Variants in PLXNA2 observed in about 807,000 individuals in gnomAD.
PLXNA2 encodes plexin A2, also known as plexin-A2.
PLXNA2 carries 91 observed loss-of-function variants against 193.5 expected under a neutral mutation model. The ratio of observed to expected loss-of-function variants is 0.47; its 90% CI spans 0.40 to 0.56. PLXNA2 has a LOEUF of 0.56. Ranked by LOEUF, PLXNA2 falls within the 20% of genes least tolerant of loss-of-function variation. The pLI, the probability that PLXNA2 is intolerant of heterozygous loss-of-function variation, is 0.00. For missense variants in PLXNA2, 1,995 were observed against 2,503.2 expected (o/e 0.80, Z 4.33); for synonymous variants, 997 against 1,027.3 (o/e 0.97, Z 0.56).
At chr1:208,173,039 G>A (rs1254455947) in intron 3 of PLXNA2, among the ~76,000 whole-genome samples, 1 of 152,186 alleles carries the variant, frequency 6.6e-6, no homozygotes, top group Non-Finnish European at 1.5e-5. Flanking sequence ...TAGTGATTAA[G>A]AGCAAAATCT....
chr1:208,228,272 C>G (rs558008397), intron 1 of PLXNA2, among the ~76,000 whole-genome samples: 1 of 152,314 alleles, frequency 6.6e-6, no homozygotes, highest in South Asian at 2.1e-4. Context: ...TGCTTCATCT[C>G]TATCTCAGGG....
At chr1:208,120,370 G>T (rs937069938) in intron 4 of PLXNA2, among the ~76,000 whole-genome samples, 1 of 152,202 alleles carries the variant, frequency 6.6e-6, no homozygotes, top group African/African-American at 2.4e-5. Context: ...TAATCAGAGA[G>T]GGGGTGAAGC....
chr1:208,077,274 C>T (rs1571890035), intron 12 of PLXNA2, among the ~76,000 whole-genome samples: 1 of 152,122 alleles, frequency 6.6e-6, no homozygotes, highest in African/African-American at 2.4e-5. Flanking sequence ...GCCTCTGATG[C>T]CTGCTGATAT....
intron 12 of PLXNA2, among the ~76,000 whole-genome samples, chr1:208,076,919 T>A (rs918340129): frequency 6.6e-6 from 1 of 152,228 alleles, no homozygotes; most frequent in Non-Finnish European, 1.5e-5. Flanking sequence ...GAAGGGTATA[T>A]GAAAGTTCTT....
intron 8 of PLXNA2, among the ~76,000 whole-genome samples, chr1:208,095,730 CT>C (rs1224541387): frequency 6.6e-6 from 1 of 152,126 alleles, no homozygotes; most frequent in Non-Finnish European, 1.5e-5. Flanking sequence ...AAATGAAGAA[CT>C]TTTTTTACGG....
chr1:208,029,518 C>T lies in PLXNA2; in HGVS notation c.5226-476G>A, dbSNP rs977508478. 155 of 997,698 alleles carry T rather than the reference C, an allele frequency of 1.6e-4. No homozygotes were observed. In the Admixed American group the frequency reaches 1.6e-3, roughly 10 times the overall value. 61.8% of individuals were successfully genotyped at this position (997,698 alleles called of 1,614,324 possible). On this transcript the variant is annotated intron_variant, in intron 29 of 31. Coordinates refer to ENST00000367033, the MANE Select transcript of PLXNA2 (RefSeq NM_025179.4). Reference sequence around the variant, plus strand: ...GGCGCCACCTGCGCTCCCCGCCCAGCCCGGCTGCCCAAGCTACTTCCCAGG... The same window carrying T: ...GGCGCCACCTGCGCTCCCCGCCCAGTCCGGCTGCCCAAGCTACTTCCCAGG...
At chr1:208,128,695 C>CT (rs34853346) in intron 4 of PLXNA2, among the ~76,000 whole-genome samples, 1,142 of 81,670 alleles carry the variant, frequency 0.014, 4 homozygotes, top group East Asian at 0.027. Flanking sequence ...CTGTTTCTTT[C>CT]TTTTTTTTTT....
rs767249980 is a variant in PLXNA2 at position 208,027,333 on chromosome 1, G to A, written c.5595C>T (p.Ile1865=). The change falls in exon 32 of 32, where the codon ATC becomes ATT. Residue 1865 remains isoleucine (I), a synonymous_variant. Coordinates refer to ENST00000367033, the MANE Select transcript of PLXNA2 (RefSeq NM_025179.4). ...CCTGCTCATCCTGCTCTAGGGCCCC[G>A]ATGAGCTGAGGAGCAAAAACAAAGG... ...SYVSKYSEEL[I]GALEQDEQAR... is the part of the protein sequence containing the mutation. 2.1e-5 allele frequency: 34 copies of A among 1,612,192 alleles called. No individual in the cohort carries two copies. Among genetic ancestry groups the A allele is most frequent in the Non-Finnish European group, 2.5e-5 (29 of 1,179,848 alleles).
chr1:208,159,831 G>T (rs1222932020), intron 3 of PLXNA2, among the ~76,000 whole-genome samples: 1 of 152,192 alleles, frequency 6.6e-6, no homozygotes, highest in Non-Finnish European at 1.5e-5. Context: ...GCTGGTGAGT[G>T]GGAGGGTGAA....
intron 1 of PLXNA2, among the ~76,000 whole-genome samples, chr1:208,229,008 G>A (rs190405748): frequency 2.0e-3 from 306 of 152,320 alleles, no homozygotes; most frequent in Admixed American, 3.0e-3. Context: ...ACAGAAGGGC[G>A]TAGAGGAGGA....
intron 3 of PLXNA2, among the ~76,000 whole-genome samples, chr1:208,186,798 C>G (rs1442322094): frequency 3.3e-5 from 5 of 150,044 alleles, no homozygotes. Context: ...CGGCTCACTG[C>G]AAGCTCCGCT....
At chr1:208,064,345 G>T (rs1184235334) in intron 12 of PLXNA2, among the ~76,000 whole-genome samples, 2 of 152,210 alleles carry the variant, frequency 1.3e-5, no homozygotes, top group Non-Finnish European at 2.9e-5. Flanking sequence ...AACCTTCCAT[G>T]GCTCTGACCA....
intron 4 of PLXNA2, among the ~76,000 whole-genome samples, chr1:208,127,773 CG>C (rs1360481145): frequency 6.6e-6 from 1 of 152,202 alleles, no homozygotes; most frequent in Non-Finnish European, 1.5e-5. Flanking sequence ...GGCAGCCACT[CG>C]CTAGCCTCAA....
At chr1:208,055,809 CCATCTCCTT>C (rs1163698286) in intron 13 of PLXNA2, among the ~76,000 whole-genome samples, 2 of 152,210 alleles carry the variant, frequency 1.3e-5, no homozygotes, top group Non-Finnish European at 1.5e-5. Flanking sequence ...CCACTGATCT[CCATCTCCTT>C]CATAACAGTT....
intron 4 of PLXNA2, among the ~76,000 whole-genome samples, chr1:208,135,927 T>A (rs937105704): frequency 9.9e-5 from 15 of 152,106 alleles, no homozygotes; most frequent in Admixed American, 3.9e-4. Context: ...AAAAAGGCGA[T>A]GCAATTTCTA....
intron 3 of PLXNA2, among the ~76,000 whole-genome samples, chr1:208,165,550 G>T (rs939059956): frequency 4.6e-5 from 7 of 152,018 alleles, no homozygotes; most frequent in African/African-American, 1.7e-4. Flanking sequence ...GATTTTGTTC[G>T]CCTTAACCCT....
chr1:208,135,715 C>T (rs1008332937), intron 4 of PLXNA2, among the ~76,000 whole-genome samples: 7 of 152,140 alleles, frequency 4.6e-5, no homozygotes, highest in South Asian at 2.1e-4. Context: ...CTCTGGGCCT[C>T]GTCTTTCTTA....
Position 208,216,760 on chromosome 1 carries a change from C to T in PLXNA2, c.1163G>A (p.Gly388Glu), listed in dbSNP as rs1481461411. ...CGCCTTGGTGCACTGGACGTCCTTC[C>T]CCAGCAGCCAGTTGAGCTCCAGGTT... is the stretch of plus-strand genomic sequence containing the variant. The part of the protein sequence containing the change: ...EGNLELNWLL[G>E]KDVQCTKAPV... Residue 388 changes from glycine (G) to glutamate (E), a missense_variant, in exon 2 of 32, where the codon GGG becomes GAG. By Grantham distance (98) the Gly-to-Glu change is moderately conservative. Coordinates refer to ENST00000367033, the MANE Select transcript of PLXNA2 (RefSeq NM_025179.4). 5 of 1,613,490 alleles carry T rather than the reference C, an allele frequency of 3.1e-6. No individual in the cohort carries two copies. In the Admixed American group the frequency reaches 8.3e-5, roughly 27 times the overall value.
chr1:208,171,782 C>T lies in PLXNA2; in HGVS notation c.1372-29319G>A, dbSNP rs1463134501. 3.9e-5 allele frequency among the ~76,000 whole-genome samples: 6 copies of T among 152,092 alleles called. No homozygotes were observed. The Middle Eastern group carries it at 0.014, about 345-fold the overall frequency. ...GAGGTGAGAGGATCGCTTGAGCCCA[C>T]GAGATCCAGGCTGCAGTGAGCCATG... On this transcript the variant is annotated intron_variant, in intron 3 of 31. Coordinates refer to ENST00000367033, the MANE Select transcript of PLXNA2 (RefSeq NM_025179.4).
Sources: gnomAD v4.1 joint callset for allele counts (sites outside exome capture counted in the v4.1 genomes callset) on GRCh38, gnomAD v4.1.1 for gene constraint, MANE v1.5 for transcripts, NCBI Gene and HGNC (gene_info 2026-07-23, HGNC 2026-07-21) for gene names.